The following NRXN2 variants were observed in gnomAD, a reference collection of about 807,000 sequenced individuals.
NRXN2 encodes neurexin-2-beta.
Under a neutral mutation model 128.8 loss-of-function variants are expected in NRXN2, and 29 were observed. The observed-to-expected ratio is 0.23, with a 90% CI of 0.17 to 0.31. NRXN2 has a LOEUF of 0.31. Ranked by LOEUF, NRXN2 falls within the 10% of genes least tolerant of loss-of-function variation. The probability of loss-of-function intolerance (pLI) is 1.00; values close to 1 mark genes in which losing one functional copy is unlikely to be tolerated. For synonymous variants in NRXN2, 1,098 were observed against 1,075.2 expected (o/e 1.02, Z -0.41); for missense variants, 1,881 against 2,452.6 (o/e 0.77, Z 4.92).
chr11:64,664,937 C>T (rs1262412919), intron 9 of NRXN2, among the ~76,000 whole-genome samples: 1 of 148,508 alleles, frequency 6.7e-6, no homozygotes, highest in Non-Finnish European at 1.5e-5. Context: ...TTGCAGTGAG[C>T]TGAGATCACG....
At chr11:64,716,120 T>C (rs1230515720) in intron 1 of NRXN2, among the ~76,000 whole-genome samples, 1 of 152,238 alleles carries the variant, frequency 6.6e-6, no homozygotes, top group South Asian at 2.1e-4. Flanking sequence ...CATCTCAGTC[T>C]GGCCTGGCCT....
intron 3 of NRXN2, among the ~76,000 whole-genome samples, chr11:64,693,303 T>C (rs2054087181): frequency 6.6e-6 from 1 of 150,858 alleles, no homozygotes; most frequent in Non-Finnish European, 1.5e-5. Flanking sequence ...GCTTTTTCCT[T>C]TTTCTTTTTT....
In NRXN2 at chr11:64,713,677, C is replaced by G. The variant is rs940303150; in HGVS notation, c.23G>C (p.Arg8Pro). The G allele has an allele frequency of 8.1e-5, 93 of 1,154,382 alleles. No individual in the cohort carries two copies. Among genetic ancestry groups the G allele is most frequent in the Non-Finnish European group, 9.6e-5 (90 of 940,968 alleles). 71.5% of individuals were successfully genotyped at this position (1,154,382 alleles called of 1,614,324 possible). Residue 8 changes from arginine (R) to proline (P), a missense_variant, in exon 2 of 23, where the codon CGG becomes CCG. Arg to Pro is a moderately radical substitution (Grantham distance 103). Transcript: ENST00000265459. ...CAACAGCAGCGGCGGCGGTGTCGGC[C>G]GCCACCGGCTCCCGGACGCCATGCC... MASGSRWRPTPPPLLLLL... is the reference protein window; with the variant it reads MASGSRWPPTPPPLLLLL...
intron 14 of NRXN2, among the ~76,000 whole-genome samples, chr11:64,650,972 G>A (rs1053121444): frequency 6.6e-6 from 1 of 152,190 alleles, no homozygotes; most frequent in African/African-American, 2.4e-5. Flanking sequence ...AGGCAACGGA[G>A]GGGCAAGACT....
chr11:64,677,772 G>A (rs574702951), intron 6 of NRXN2, among the ~76,000 whole-genome samples: 1 of 152,240 alleles, frequency 6.6e-6, no homozygotes, highest in Non-Finnish European at 1.5e-5. Context: ...TTATGGGTTT[G>A]TTGGCTAACT....
Position 64,713,119 on chromosome 11 carries a change from C to G in NRXN2, c.581G>C (p.Ser194Thr). Reference sequence around the variant, plus strand: ...GGCGGTGGCGCCGCGCAGGCCCTGGCTGCCCAGCAGCGCGGGGGGCCGCTC... The same window carrying G: ...GGCGGTGGCGCCGCGCAGGCCCTGGGTGCCCAGCAGCGCGGGGGGCCGCTC... ...LGERPPALLG[S>T]QGLRGATADP... is the part of the protein sequence containing the mutation. Residue 194 changes from serine to threonine, a missense_variant, in exon 2 of 23, where the codon AGC (serine) becomes ACC (threonine). Coordinates refer to ENST00000265459, the MANE Select transcript of NRXN2 (RefSeq NM_015080.4). The G allele has an allele frequency of 7.1e-7, 1 of 1,412,360 alleles. No individual in the cohort carries two copies. The highest frequency in any genetic ancestry group is 1.5e-5 in the South Asian group (1 of 68,378). 87.5% of individuals were successfully genotyped at this position (1,412,360 alleles called of 1,614,324 possible).
chr11:64,648,253 G>A lies in NRXN2; in HGVS notation c.3369C>T (p.Thr1123=). 6.2e-7 allele frequency: 1 copy of A among 1,614,220 alleles called. No individual in the cohort carries two copies. The highest frequency in any genetic ancestry group is 1.1e-5 in the South Asian group (1 of 91,092). The change falls in exon 17 of 23, where the codon ACC becomes ACT. Residue 1123 remains threonine, a synonymous_variant. Coordinates refer to ENST00000265459, the MANE Select transcript of NRXN2 (RefSeq NM_015080.4). This position sits in a 1 kb window ranked among gnomAD's most constrained non-coding sequence, Gnocchi z 4.1. ...QQWDGFTCDC[T]MTSYGGPVCN... ...AGACAGGGCCTCCATAGGAAGTCAT[G>A]GTGCAGTCGCAGGTGAAGCCATCCC...
intron 2 of NRXN2, 158 bp downstream of exon 2, chr11:64,712,812 A>G: frequency 1.5e-6 from 1 of 683,026 alleles, no homozygotes; most frequent in Non-Finnish European, 2.6e-6. Flanking sequence ...CCTCGCCCGG[A>G]CACGCGTCCC....
At chr11:64,650,036 A>G (rs2047246214) in intron 15 of NRXN2, among the ~76,000 whole-genome samples, 1 of 151,434 alleles carries the variant, frequency 6.6e-6, no homozygotes, top group Admixed American at 6.6e-5. Flanking sequence ...TGACTCGGGG[A>G]CTCTAGCTCC....
chr11:64,716,652 G>C (rs1451298349), intron 1 of NRXN2, among the ~76,000 whole-genome samples: 3 of 152,234 alleles, frequency 2.0e-5, no homozygotes, highest in Admixed American at 2.0e-4. Context: ...GCAGGGTCTG[G>C]GCCTGCGGCC....
At chr11:64,614,410 CT>C (rs2041147760) in intron 22 of NRXN2, among the ~76,000 whole-genome samples, 1 of 152,248 alleles carries the variant, frequency 6.6e-6, no homozygotes, top group South Asian at 2.1e-4. Flanking sequence ...GGCCCCAAAT[CT>C]GCATGAGCAG....
chr11:64,672,720 G>A (rs967389529), intron 7 of NRXN2, among the ~76,000 whole-genome samples: 2 of 148,676 alleles, frequency 1.3e-5, no homozygotes, highest in Non-Finnish European at 3.0e-5. Context: ...AAGACAAAGA[G>A]GAAGAAAGGG....
At chr11:64,641,531 G>A (rs1448868482) in intron 17 of NRXN2, among the ~76,000 whole-genome samples, 1 of 151,984 alleles carries the variant, frequency 6.6e-6, no homozygotes, top group African/African-American at 2.4e-5. Flanking sequence ...AGTGATGGGG[G>A]CACAGAGTAT....
In NRXN2 at chr11:64,630,747, G is replaced by C. The variant is rs2043790148; in HGVS notation, c.3586-174C>G. ...GCTCCCCTTCCCCACATGCAAGGGA[G>C]TAACTTGAGGCCGGAGGTGCGTGCA... On this transcript the variant is annotated intron_variant, in intron 18 of 22. Transcript: ENST00000265459. The surrounding 1 kb of genome is among the most constrained non-coding windows in gnomAD (Gnocchi z 4.6). Among the ~76,000 whole-genome samples, 1 of 152,230 alleles carries C rather than the reference G, an allele frequency of 6.6e-6. No homozygotes were observed. The highest frequency in any genetic ancestry group is 6.5e-5 in the Admixed American group (1 of 15,290).
intron 2 of NRXN2, among the ~76,000 whole-genome samples, chr11:64,712,047 G>A (rs1592295441): frequency 6.6e-6 from 1 of 152,128 alleles, no homozygotes; most frequent in South Asian, 2.1e-4. Flanking sequence ...CTTGGCTCGC[G>A]GACCTTCAAA....
At chr11:64,684,676 G>A (rs989995775) in intron 6 of NRXN2, among the ~76,000 whole-genome samples, 2 of 152,138 alleles carry the variant, frequency 1.3e-5, no homozygotes, top group Non-Finnish European at 2.9e-5. Context: ...AGGAGAAGGA[G>A]GATGACAGGA....
chr11:64,638,223 T>A (rs1486496740), intron 17 of NRXN2, among the ~76,000 whole-genome samples: 3 of 152,370 alleles, frequency 2.0e-5, no homozygotes, highest in Admixed American at 2.0e-4. Flanking sequence ...CTCACACTGC[T>A]GCCAGTTTAT....
Position 64,620,349 on chromosome 11 carries a change from G to T in NRXN2, c.4197C>A (p.Ala1399=). 1 of 1,554,144 alleles carries T rather than the reference G, an allele frequency of 6.4e-7. No individual in the cohort carries two copies. Among genetic ancestry groups the T allele is most frequent in the Non-Finnish European group, 8.7e-7 (1 of 1,148,282 alleles). Residue 1399 remains alanine, a synonymous_variant, in exon 22 of 23, where the codon GCC becomes GCA. Coordinates refer to ENST00000265459, the MANE Select transcript of NRXN2 (RefSeq NM_015080.4). ...CATCATCGCTTGGACACTCAGCAGAGGCCACCAGCAGGTCATCTGTGTTCT... is the reference window on the plus strand; with the variant it reads ...CATCATCGCTTGGACACTCAGCAGATGCCACCAGCAGGTCATCTGTGTTCT... ...TTQNTDDLLV[A]SAECPSDDED...
rs1239665939 is a variant in NRXN2, at chr11:64,631,836, C to A, written c.3586-1263G>T. On this transcript the variant is annotated intron_variant, in intron 18 of 22. Coordinates refer to ENST00000265459, the MANE Select transcript of NRXN2 (RefSeq NM_015080.4). This position sits in a 1 kb window ranked among gnomAD's most constrained non-coding sequence, Gnocchi z 4.8. ...AGGCCCATTAGGTACTAAGCCTGAG[C>A]CCCTGTTTCACTTCCCTGCACCTCC... Among the ~76,000 whole-genome samples the A allele has an allele frequency of 2.6e-5, 4 of 152,148 alleles. No individual in the cohort carries two copies. The highest frequency in any genetic ancestry group is 7.2e-5 in the African/African-American group (3 of 41,404).
Sources: gnomAD v4.1 joint callset for allele counts (sites outside exome capture counted in the v4.1 genomes callset) on GRCh38, gnomAD v4.1.1 for gene constraint, Gnocchi (gnomAD v3.1) non-coding constraint, MANE v1.5 for transcripts, NCBI Gene and HGNC (gene_info 2026-07-23, HGNC 2026-07-21) for gene names.